SSPN: variants seen among roughly 807,000 people sequenced by gnomAD.
SSPN encodes K-ras oncogene-associated protein.
In SSPN, 15 loss-of-function variants were observed where a neutral mutation model predicts 19.1. That is an observed-to-expected ratio of 0.78 (90% confidence interval 0.52 to 1.21). SSPN has a LOEUF of 1.21. SSPN is among the 50% of genes most tolerant of loss of function. SSPN has a pLI of 0.00. For missense variants in SSPN, 291 were observed against 314.0 expected, an observed-to-expected ratio of 0.93 and a Z score of 0.55; for synonymous variants, 147 against 140.3, an observed-to-expected ratio of 1.05 and a Z score of -0.34.
intron 1 of SSPN, among the ~76,000 whole-genome samples, chr12:26,129,171 G>A (rs149846884): frequency 8.1e-4 from 124 of 152,248 alleles, no homozygotes; most frequent in African/African-American, 2.2e-3. Flanking sequence ...GCTTAGGGGC[G>A]TAGAGTCTCC....
upstream of SSPN, among the ~76,000 whole-genome samples, chr12:26,192,325 A>G (rs1944794405): frequency 1.3e-5 from 2 of 152,224 alleles, no homozygotes; most frequent in Admixed American, 1.3e-4. Flanking sequence ...AAATATCTGA[A>G]GAGGTTATTG....
chr12:26,142,907 C>T (rs1944468998), intron 1 of SSPN, among the ~76,000 whole-genome samples: 1 of 152,180 alleles, frequency 6.6e-6, no homozygotes, highest in African/African-American at 2.4e-5. Context: ...TCCAATGTCA[C>T]CTCTTCCAGG....
chr12:26,197,972 T>C (rs957910387), intron 1 of SSPN, among the ~76,000 whole-genome samples: 5 of 152,200 alleles, frequency 3.3e-5, no homozygotes, highest in Admixed American at 2.0e-4. Context: ...AATTTGGGCA[T>C]GTGTCACTGT....
chr12:26,133,572 T>A (rs960787430), intron 1 of SSPN, among the ~76,000 whole-genome samples: 2 of 151,722 alleles, frequency 1.3e-5, no homozygotes, highest in Admixed American at 1.3e-4. Context: ...GCTGGGATTA[T>A]CAGTTTTGGG....
At chr12:26,137,636 G>GTGTATATATA (rs1555175653) in intron 1 of SSPN, among the ~76,000 whole-genome samples, 6 of 31,374 alleles carry the variant, frequency 1.9e-4, no homozygotes, top group African/African-American at 7.5e-4. Context: ...GTGTGTGTAT[G>GTGTATATATA]TATATATATA....
chr12:26,218,711 C>T (rs936318211), intron 1 of SSPN, among the ~76,000 whole-genome samples: 1 of 152,086 alleles, frequency 6.6e-6, no homozygotes, highest in Non-Finnish European at 1.5e-5. Flanking sequence ...GGATAAGCAG[C>T]CTTTAATTGA....
At chr12:26,178,626 G>A (rs557274696) in intron 1 of SSPN, among the ~76,000 whole-genome samples, 20 of 152,254 alleles carry the variant, frequency 1.3e-4, no homozygotes, top group African/African-American at 4.6e-4. Context: ...AGGGGTTAGG[G>A]ACATAGGAGA....
intron 1 of SSPN, among the ~76,000 whole-genome samples, chr12:26,185,649 G>C (rs1398842955): frequency 2.6e-5 from 4 of 152,206 alleles, no homozygotes; most frequent in African/African-American, 9.7e-5. Flanking sequence ...GACCGAACCA[G>C]TAGGCCCACC....
intron 1 of SSPN, among the ~76,000 whole-genome samples, chr12:26,143,671 T>G (rs1021961302): frequency 6.6e-6 from 1 of 152,150 alleles, no homozygotes; most frequent in Non-Finnish European, 1.5e-5. Context: ...TTTTGAACAG[T>G]TAGAAAGAAA....
At chr12:26,215,370 C>A (rs1945036380) in intron 1 of SSPN, among the ~76,000 whole-genome samples, 1 of 152,092 alleles carries the variant, frequency 6.6e-6, no homozygotes, top group South Asian at 2.1e-4. Context: ...GAGTAATGTG[C>A]CAAACTTAGA....
chr12:26,137,075 G>A (rs1451400910), intron 1 of SSPN, among the ~76,000 whole-genome samples: 1 of 152,122 alleles, frequency 6.6e-6, no homozygotes, highest in Non-Finnish European at 1.5e-5. Context: ...CAGTTACTCT[G>A]TGCCATGCTC....
chr12:26,157,159 G>A (rs1447326214), intron 1 of SSPN, among the ~76,000 whole-genome samples: 1 of 152,160 alleles, frequency 6.6e-6, no homozygotes, highest in Non-Finnish European at 1.5e-5. Context: ...TGTTTTGTTT[G>A]TGGTAGGGTT....
Position 26,232,711 on chromosome 12 carries a change from T to G in SSPN, c.*1635T>G, listed in dbSNP as rs1218170728. 3 of 984,710 alleles carry G rather than the reference T, an allele frequency of 3.0e-6. No individual in the cohort carries two copies. The African/African-American group carries it at 5.2e-5, about 17-fold the overall frequency. 61.0% of individuals were successfully genotyped at this position (984,710 alleles called of 1,614,324 possible). A position where few individuals can be genotyped will look rare whatever the true frequency, so the allele number is the denominator to read the frequency against. ...TCGGTAAGCTAGAGGATTGTAAATA[T>G]CTTTTATGTCCTCTAGATAAAACAC... On this transcript the variant is annotated 3_prime_UTR_variant, in exon 3 of 3. Coordinates refer to ENST00000242729, the MANE Select transcript of SSPN (RefSeq NM_005086.5).
chr12:26,184,652 T>C (rs1354078742), intron 1 of SSPN, among the ~76,000 whole-genome samples: 1 of 152,192 alleles, frequency 6.6e-6, no homozygotes, highest in Non-Finnish European at 1.5e-5. Context: ...AGAACTTTAG[T>C]GGTCTATATA....
chr12:26,221,060 T>G (rs975477443), intron 1 of SSPN, among the ~76,000 whole-genome samples: 1 of 152,242 alleles, frequency 6.6e-6, no homozygotes, highest in African/African-American at 2.4e-5. Flanking sequence ...ATGTCCTAGT[T>G]GAAATCAAAG....
chr12:26,125,103 G>C, intron 1 of SSPN: 2 of 454,274 alleles, frequency 4.4e-6, no homozygotes, highest in Non-Finnish European at 8.1e-6. Flanking sequence ...TACCATCCGC[G>C]GTCCAGCCCG....
chr12:26,179,962 A>AT (rs1944709035), intron 1 of SSPN: 1 of 93,256 alleles, frequency 1.1e-5, no homozygotes, highest in Non-Finnish European at 2.0e-5. Flanking sequence ...ATAGTGAAAT[A>AT]TTTACTTAGC....
upstream of SSPN, among the ~76,000 whole-genome samples, chr12:26,191,677 TAC>T (rs10525695): frequency 0.16 from 23,666 of 148,768 alleles, 2,175 homozygotes; most frequent in Admixed American, 0.29. Flanking sequence ...TAATTTGTTC[TAC>T]ACACACACAC....
chr12:26,208,284 A>G (rs1290190676), intron 1 of SSPN, among the ~76,000 whole-genome samples: 1 of 152,188 alleles, frequency 6.6e-6, no homozygotes, highest in Non-Finnish European at 1.5e-5. Flanking sequence ...ACCAGTGGTA[A>G]ATCAGAGTTC....
Sources: allele counts gnomAD v4.1 joint callset (sites outside exome capture counted in the v4.1 genomes callset), GRCh38; gene constraint gnomAD v4.1.1; transcripts MANE v1.5; gene names NCBI Gene and HGNC (gene_info 2026-07-23, HGNC 2026-07-21).